The following SEMA6D variants were observed in gnomAD, a reference collection of about 807,000 sequenced individuals.
SEMA6D encodes the protein semaphorin-6D.
A neutral mutation model predicts 106.6 loss-of-function variants in SEMA6D; 35 were observed. The observed-to-expected ratio is 0.33, with a 90% CI of 0.25 to 0.44. The LOEUF is 0.44. SEMA6D is among the 20% of genes least tolerant of loss of function. The pLI, the probability that SEMA6D is intolerant of heterozygous loss-of-function variation, is 1.00. For synonymous variants in SEMA6D, 499 were observed against 487.7 expected, an observed-to-expected ratio of 1.02 and a Z score of -0.31; for missense variants, 1,185 against 1,345.9, an observed-to-expected ratio of 0.88 and a Z score of 1.87.
intron 1 of SEMA6D, among the ~76,000 whole-genome samples, chr15:47,346,345 T>G (rs116940234): frequency 0.011 from 1,675 of 152,276 alleles, 13 homozygotes; most frequent in Non-Finnish European, 0.014. Flanking sequence ...GGCTTGGCAG[T>G]ACCGGAGTTT....
chr15:47,666,402 C>T (rs2078027269), intron 4 of SEMA6D, among the ~76,000 whole-genome samples: 1 of 152,154 alleles, frequency 6.6e-6, no homozygotes, highest in African/African-American at 2.4e-5. Context: ...TGGCTGAGGG[C>T]AAAATTGTGA....
intron 3 of SEMA6D, among the ~76,000 whole-genome samples, chr15:47,479,569 A>T (rs1434026662): frequency 6.6e-6 from 1 of 152,200 alleles, no homozygotes; most frequent in East Asian, 1.9e-4. Context: ...AAGAGGGTGG[A>T]GGCAATCCCA....
At chr15:47,752,964 G>A (rs1359995591) in intron 1 of SEMA6D, among the ~76,000 whole-genome samples, 1 of 151,820 alleles carries the variant, frequency 6.6e-6, no homozygotes, top group African/African-American at 2.4e-5. Flanking sequence ...AGCCAAGGTT[G>A]CACCACTGCA....
chr15:47,473,898 G>T (rs778500001), intron 3 of SEMA6D, among the ~76,000 whole-genome samples: 1 of 151,854 alleles, frequency 6.6e-6, no homozygotes, highest in Non-Finnish European at 1.5e-5. Context: ...TTGTAATCTC[G>T]CAATTCTGGC....
chr15:47,651,398 C>T (rs62000796), intron 4 of SEMA6D, among the ~76,000 whole-genome samples: 57 of 152,128 alleles, frequency 3.7e-4, no homozygotes, highest in South Asian at 1.9e-3. Flanking sequence ...GAGCAACACC[C>T]TGCCTCTAAA....
chr15:47,452,564 T>TA, intron 2 of SEMA6D, among the ~76,000 whole-genome samples: 1 of 152,100 alleles, frequency 6.6e-6, no homozygotes, highest in East Asian at 1.9e-4. Context: ...TCTTTTATCA[T>TA]AAAAAATACT....
intron 1 of SEMA6D, among the ~76,000 whole-genome samples, chr15:47,363,135 C>T (rs954276438): frequency 5.9e-5 from 9 of 152,176 alleles, no homozygotes; most frequent in Middle Eastern, 3.4e-3. Flanking sequence ...TCCTTATGAA[C>T]ACTTTAGGAG....
intron 3 of SEMA6D, among the ~76,000 whole-genome samples, chr15:47,519,736 T>G (rs2044509067): frequency 6.6e-6 from 1 of 152,222 alleles, no homozygotes; most frequent in African/African-American, 2.4e-5. Context: ...TATAAGGCTC[T>G]CATTCCATGT....
chr15:47,262,357 A>G (rs1361731317), intron 1 of SEMA6D, among the ~76,000 whole-genome samples: 2 of 152,128 alleles, frequency 1.3e-5, no homozygotes, highest in African/African-American at 4.8e-5. Flanking sequence ...AGCAATTTAT[A>G]AAGAAAAGAG....
intron 3 of SEMA6D, among the ~76,000 whole-genome samples, chr15:47,574,368 A>G (rs917201399): frequency 6.6e-6 from 1 of 152,216 alleles, no homozygotes; most frequent in African/African-American, 2.4e-5. Context: ...GGTCTGATAC[A>G]TCTACCCCAT....
At position 47,723,423 on chromosome 15, in the gene SEMA6D, A is replaced by T. The variant is rs2079540578; in HGVS notation, c.-55+5731A>T. 2.0e-5 allele frequency among the ~76,000 whole-genome samples: 3 copies of T among 152,096 alleles called. No homozygotes were observed. The South Asian group carries it at 6.2e-4, about 32-fold the overall frequency. On this transcript the variant is annotated intron_variant, in intron 1 of 18. Transcript: ENST00000536845. ...CTGCGTCCGGGTGTGATTGACATTC[A>T]TTTCCCTGATCTTGGCAGGTGAAGA... is the stretch of plus-strand genomic sequence containing the variant.
intron 2 of SEMA6D, among the ~76,000 whole-genome samples, chr15:47,450,008 T>C (rs2042140469): frequency 6.6e-6 from 1 of 152,114 alleles, no homozygotes. Flanking sequence ...GTGAGAGTTA[T>C]TTTAAGAAGC....
intron 3 of SEMA6D, among the ~76,000 whole-genome samples, chr15:47,506,599 AACACACACAC>A (rs61155774): frequency 8.0e-5 from 11 of 137,794 alleles, no homozygotes; most frequent in Admixed American, 5.0e-4. Context: ...CACACACACA[AACACACACAC>A]ACACACACAC....
chr15:47,315,997 T>G (rs12906023), intron 1 of SEMA6D, among the ~76,000 whole-genome samples: 46,472 of 151,402 alleles, frequency 0.31, 7,682 homozygotes, highest in Middle Eastern at 0.5. Context: ...GGGTTTTTTT[T>G]TGTGTGTGTG....
At chr15:47,366,192 T>C (rs1408787718) in intron 1 of SEMA6D, among the ~76,000 whole-genome samples, 3 of 152,240 alleles carry the variant, frequency 2.0e-5, no homozygotes, top group African/African-American at 7.2e-5. Flanking sequence ...GCCACAGCTC[T>C]TAGTCTATTT....
intron 2 of SEMA6D, among the ~76,000 whole-genome samples, chr15:47,442,608 A>G (rs1490228666): frequency 6.6e-6 from 1 of 152,088 alleles, no homozygotes; most frequent in Non-Finnish European, 1.5e-5. Context: ...TGCTTCTCAC[A>G]GTTTAAAGTT....
chr15:47,553,442 C>T (rs1253340273), intron 3 of SEMA6D, among the ~76,000 whole-genome samples: 1 of 152,154 alleles, frequency 6.6e-6, no homozygotes, highest in East Asian at 1.9e-4. Flanking sequence ...CCCACACCCG[C>T]GCCTATCAGC....
At chr15:47,699,282 C>A (rs2145884902) in intron 4 of SEMA6D, among the ~76,000 whole-genome samples, 1 of 152,286 alleles carries the variant, frequency 6.6e-6, no homozygotes, top group East Asian at 1.9e-4. Context: ...TTATTACAAG[C>A]CTACTGTGTG....
intron 16 of SEMA6D, 97 bp from the exon 17 acceptor site, chr15:47,766,940 C>CT (rs11353659): frequency 5.5e-3 from 3,246 of 588,726 alleles, no homozygotes; most frequent in South Asian, 7.4e-3. Context: ...AATTTATAGT[C>CT]TTTTTTTTTT....
Sources: allele counts gnomAD v4.1 joint callset (sites outside exome capture counted in the v4.1 genomes callset), GRCh38; gene constraint gnomAD v4.1.1; transcripts MANE v1.5; gene names NCBI Gene and HGNC (gene_info 2026-07-23, HGNC 2026-07-21).